Variants in PRKCB observed in about 807,000 individuals in gnomAD.
PRKCB encodes the protein protein kinase C beta.
Under a neutral mutation model 81.5 loss-of-function variants are expected in PRKCB, and 13 were observed. The ratio of observed to expected loss-of-function variants is 0.16; its 90% CI spans 0.10 to 0.25. The LOEUF is 0.25. Ranked by LOEUF, PRKCB falls within the 10% of genes least tolerant of loss-of-function variation. The pLI, the probability that PRKCB is intolerant of heterozygous loss-of-function variation, is 1.00. For missense variants in PRKCB, 509 were observed against 875.7 expected (o/e 0.58, Z 5.29); for synonymous variants, 335 against 321.4 (o/e 1.04, Z -0.45).
intron 12 of PRKCB, among the ~76,000 whole-genome samples, chr16:24,180,348 C>T (rs1230270809): frequency 6.6e-6 from 1 of 152,146 alleles, no homozygotes; most frequent in Non-Finnish European, 1.5e-5. Flanking sequence ...TTTCAATCAG[C>T]TTCTTTTTTT....
At chr16:23,904,077 C>G (rs1963522627) in intron 2 of PRKCB, among the ~76,000 whole-genome samples, 1 of 152,148 alleles carries the variant, frequency 6.6e-6, no homozygotes, top group Admixed American at 6.5e-5. Flanking sequence ...TTGTCTATTT[C>G]CTTGTGAATA....
At chr16:23,906,104 C>T (rs1963557419) in intron 2 of PRKCB, among the ~76,000 whole-genome samples, 2 of 152,128 alleles carry the variant, frequency 1.3e-5, no homozygotes, top group African/African-American at 4.8e-5. Flanking sequence ...AGGATATGTG[C>T]TTTAAAATGT....
At chr16:23,967,529 T>C (rs1158099192) in intron 2 of PRKCB, among the ~76,000 whole-genome samples, 1 of 152,198 alleles carries the variant, frequency 6.6e-6, no homozygotes, top group African/African-American at 2.4e-5. Context: ...AAAAGAAGTT[T>C]AGGTTGCTAT....
Position 24,216,691 on chromosome 16 carries a change from C to T in PRKCB, c.*1875C>T, listed in dbSNP as rs1968233189. The T allele has an allele frequency of 1.0e-6, 1 of 985,420 alleles. No homozygotes were observed. Among genetic ancestry groups the T allele is most frequent in the Non-Finnish European group, 1.2e-6 (1 of 829,930 alleles). 61.0% of individuals were successfully genotyped at this position (985,420 alleles called of 1,614,324 possible). A position where few individuals can be genotyped will look rare whatever the true frequency, so the allele number is the denominator to read the frequency against. On this transcript the variant is annotated 3_prime_UTR_variant, in exon 17 of 17. Transcript: ENST00000643927. ...AGGCTTGGGGACCGTCCCTGCTGTC[C>T]CCACTGTGGTGGCAATCAGGACCTA...
chr16:23,998,667 A>G (rs1964991344), intron 3 of PRKCB, among the ~76,000 whole-genome samples: 1 of 152,248 alleles, frequency 6.6e-6, no homozygotes, highest in Admixed American at 6.5e-5. Flanking sequence ...AGATATCTGT[A>G]AAAGCACTTA....
chr16:24,115,946 C>T lies in PRKCB; in HGVS notation c.918+2877C>T, dbSNP rs180902024. 5.3e-4 allele frequency among the ~76,000 whole-genome samples: 81 copies of T among 152,016 alleles called. No individual in the cohort carries two copies. The East Asian group carries it at 0.013, about 25-fold the overall frequency. On this transcript the variant is annotated intron_variant, in intron 8 of 16. Transcript: ENST00000643927. ...TTCACCATGTTAGCCAGGATGGTCT[C>T]GATCTCCTGACCTCGTGATCCGTCT...
intron 2 of PRKCB, among the ~76,000 whole-genome samples, chr16:23,918,509 G>T (rs1331618997): frequency 6.6e-6 from 1 of 152,030 alleles, no homozygotes; most frequent in South Asian, 2.1e-4. Flanking sequence ...AGATTCTCGT[G>T]CCTCAGCCAC....
intron 2 of PRKCB, among the ~76,000 whole-genome samples, chr16:23,961,672 T>A (rs1964428164): frequency 6.6e-6 from 1 of 152,168 alleles, no homozygotes; most frequent in Non-Finnish European, 1.5e-5. Flanking sequence ...TCCAAAATGC[T>A]TGGGACCAGA....
intron 2 of PRKCB, among the ~76,000 whole-genome samples, chr16:23,967,187 C>T (rs1375144112): frequency 6.6e-6 from 1 of 152,120 alleles, no homozygotes; most frequent in Non-Finnish European, 1.5e-5. Context: ...CCCTCTCCTG[C>T]GTGGAGGTTA....
intron 2 of PRKCB, among the ~76,000 whole-genome samples, chr16:23,886,896 G>A (rs1278575468): frequency 6.6e-6 from 1 of 151,968 alleles, no homozygotes; most frequent in Non-Finnish European, 1.5e-5. Context: ...ATTTCAGCCT[G>A]ACTTAGTTCT....
chr16:23,914,158 C>A (rs1485369698), intron 2 of PRKCB, among the ~76,000 whole-genome samples: 2 of 152,188 alleles, frequency 1.3e-5, no homozygotes, highest in Non-Finnish European at 2.9e-5. Context: ...CAGGCATGTG[C>A]CTCCCTGCCC....
At chr16:23,907,541 T>C (rs912093687) in intron 2 of PRKCB, among the ~76,000 whole-genome samples, 3 of 152,252 alleles carry the variant, frequency 2.0e-5, no homozygotes, top group African/African-American at 4.8e-5. Flanking sequence ...ACTGGGATTA[T>C]GGGCGTGAGC....
intron 11 of PRKCB, chr16:24,174,311 C>T (rs1967493406): frequency 1.9e-6 from 1 of 527,584 alleles, no homozygotes; most frequent in African/African-American, 1.9e-5. Context: ...TGCCTACCCC[C>T]AGTTTGTCCT....
At chr16:23,881,280 T>G (rs1963102637) in intron 2 of PRKCB, among the ~76,000 whole-genome samples, 1 of 141,562 alleles carries the variant, frequency 7.1e-6, no homozygotes, top group African/African-American at 2.7e-5. Context: ...TGAGACAGAG[T>G]CTCGCTCTGT....
Position 24,218,148 on chromosome 16 carries a change from G to T in PRKCB, c.*3332G>T. 1 of 985,212 alleles carries T rather than the reference G, an allele frequency of 1.0e-6. No homozygotes were observed. The highest frequency in any genetic ancestry group is 1.2e-6 in the Non-Finnish European group (1 of 829,902). 61.0% of individuals were successfully genotyped at this position (985,212 alleles called of 1,614,324 possible). On this transcript the variant is annotated 3_prime_UTR_variant, in exon 17 of 17. Coordinates refer to ENST00000643927, the MANE Select transcript of PRKCB (RefSeq NM_002738.7). ...TGTTTCTCTCCAAGAAATTCTCCAAGAATATTGTTTCTTGGAGAGAAATAA... is the reference window on the plus strand; with the variant it reads ...TGTTTCTCTCCAAGAAATTCTCCAATAATATTGTTTCTTGGAGAGAAATAA...
intron 3 of PRKCB, among the ~76,000 whole-genome samples, chr16:24,020,994 T>TTCTTTC (rs1250147397): frequency 7.5e-6 from 1 of 132,976 alleles, no homozygotes; most frequent in Non-Finnish European, 1.6e-5. Context: ...CTTTCTTTCT[T>TTCTTTC]TCTTTCTTTC....
chr16:23,930,501 C>T (rs1963957175), intron 2 of PRKCB, among the ~76,000 whole-genome samples: 1 of 151,882 alleles, frequency 6.6e-6, no homozygotes, highest in Admixed American at 6.6e-5. Context: ...CCCAGGAGGT[C>T]GAGGCTTCAG....
intron 9 of PRKCB, 79 bp from the exon 10 acceptor site, chr16:24,154,605 C>A: frequency 7.0e-7 from 1 of 1,437,852 alleles, no homozygotes; most frequent in Non-Finnish European, 9.6e-7. Flanking sequence ...CTAAGTGTGG[C>A]TACAAATGAA....
intron 2 of PRKCB, among the ~76,000 whole-genome samples, chr16:23,975,430 A>C (rs1964612593): frequency 6.6e-6 from 1 of 152,066 alleles, no homozygotes; most frequent in Non-Finnish European, 1.5e-5. Flanking sequence ...GTAGTAGCAA[A>C]GGGTCTAAAT....
Sources: gnomAD v4.1 joint callset for allele counts (sites outside exome capture counted in the v4.1 genomes callset) on GRCh38, gnomAD v4.1.1 for gene constraint, MANE v1.5 for transcripts, NCBI Gene and HGNC (gene_info 2026-07-23, HGNC 2026-07-21) for gene names.